The following CACNB2 variants were observed in gnomAD, a reference collection of about 807,000 sequenced individuals.
The protein encoded by CACNB2 is voltage-dependent L-type calcium channel subunit beta-2.
CACNB2 carries 42 observed loss-of-function variants against 73.3 expected under a neutral mutation model. That is an observed-to-expected ratio of 0.57 (90% confidence interval 0.45 to 0.74). The LOEUF is 0.74. Ranked by LOEUF, CACNB2 falls within the 30% of genes least tolerant of loss-of-function variation. The pLI is 0.00. For missense variants in CACNB2, 940 were observed against 853.0 expected, an observed-to-expected ratio of 1.10 and a Z score of -1.27; for synonymous variants, 348 against 310.3, an observed-to-expected ratio of 1.12 and a Z score of -1.28.
At chr10:18,154,719 C>T (rs1426478157) in intron 2 of CACNB2, among the ~76,000 whole-genome samples, 6 of 152,122 alleles carry the variant, frequency 3.9e-5, no homozygotes, top group South Asian at 2.1e-4. Context: ...CCACCCGCCT[C>T]GGCCTCCCAA....
intron 9 of CACNB2, among the ~76,000 whole-genome samples, chr10:18,522,037 GC>G (rs1230768561): frequency 1.3e-5 from 2 of 152,142 alleles, no homozygotes; most frequent in African/African-American, 4.8e-5. Flanking sequence ...CCTGAGCTCA[GC>G]CTCTTGTCAG....
At chr10:18,346,964 A>C (rs2041484945) in intron 2 of CACNB2, among the ~76,000 whole-genome samples, 1 of 152,162 alleles carries the variant, frequency 6.6e-6, no homozygotes. Flanking sequence ...TAAGATCCTT[A>C]ATTGTGCTGC....
intron 2 of CACNB2, among the ~76,000 whole-genome samples, chr10:18,285,579 G>A (rs1217217786): frequency 6.6e-6 from 1 of 152,204 alleles, no homozygotes; most frequent in Non-Finnish European, 1.5e-5. Context: ...AATGAAAACT[G>A]CCTAACTGAG....
At chr10:18,463,682 C>T (rs1248193655) in intron 3 of CACNB2, among the ~76,000 whole-genome samples, 1 of 151,948 alleles carries the variant, frequency 6.6e-6, no homozygotes, top group Non-Finnish European at 1.5e-5. Context: ...AGTCTGCCCA[C>T]CCTGGCCTCC....
chr10:18,444,527 A>G (rs1357043515), intron 3 of CACNB2, among the ~76,000 whole-genome samples: 1 of 152,250 alleles, frequency 6.6e-6, no homozygotes, highest in Non-Finnish European at 1.5e-5. Context: ...AGAAACTCTC[A>G]GTATCCAAGT....
At chr10:18,453,660 C>T (rs1390547795) in intron 3 of CACNB2, among the ~76,000 whole-genome samples, 6 of 152,194 alleles carry the variant, frequency 3.9e-5, no homozygotes, top group African/African-American at 2.4e-5. Flanking sequence ...GACGGAGTCT[C>T]GCTCTGTTGC....
rs866537084 is a variant in CACNB2, at chr10:18,315,524, A to C, written c.214-86400A>C. Among the ~76,000 whole-genome samples, 384 of 133,390 alleles carry C rather than the reference A, an allele frequency of 2.9e-3. 8 individuals are homozygous for C. The highest frequency in any genetic ancestry group is 0.01 in the African/African-American group (363 of 35,686). 87.5% of individuals were successfully genotyped at this position (133,390 alleles called of 152,430 possible). A position where few individuals can be genotyped will look rare whatever the true frequency, so the allele number is the denominator to read the frequency against. On this transcript the variant is annotated intron_variant, in intron 2 of 13. Transcript: ENST00000324631. ...TAAAAAAAAAAAAAAAAAAAAAAAAAAAAACTTTTTTTTTTTTTAATTAGC... is the reference window on the plus strand; with the variant it reads ...TAAAAAAAAAAAAAAAAAAAAAAAACAAAACTTTTTTTTTTTTTAATTAGC...
intron 2 of CACNB2, among the ~76,000 whole-genome samples, chr10:18,356,983 C>T (rs555996000): frequency 1.8e-5 from 2 of 112,952 alleles, no homozygotes; most frequent in Non-Finnish European, 3.7e-5. Context: ...TTCGCTCTGT[C>T]GCCCAGGCTG....
chr10:18,489,597 A>C (rs937112007), intron 3 of CACNB2, among the ~76,000 whole-genome samples: 1 of 152,064 alleles, frequency 6.6e-6, no homozygotes, highest in African/African-American at 2.4e-5. Flanking sequence ...TTTGAGCCTC[A>C]GTTTCTTCAC....
At chr10:18,161,012 T>C (rs971002246) in intron 2 of CACNB2, among the ~76,000 whole-genome samples, 1 of 152,154 alleles carries the variant, frequency 6.6e-6, no homozygotes, top group Non-Finnish European at 1.5e-5. Flanking sequence ...GAAAAAGGAA[T>C]GGTGTCTCCC....
At chr10:18,437,456 T>A (rs894784040) in intron 3 of CACNB2, among the ~76,000 whole-genome samples, 3 of 152,194 alleles carry the variant, frequency 2.0e-5, no homozygotes, top group African/African-American at 7.2e-5. Context: ...AAAGGTTGGT[T>A]AACACATATT....
chr10:18,400,645 T>C (rs2043946527), intron 2 of CACNB2: 3 of 1,024,486 alleles, frequency 2.9e-6, no homozygotes, highest in Non-Finnish European at 3.5e-6. Context: ...CACTAGTTTT[T>C]TTTTTTTTTT....
intron 2 of CACNB2, among the ~76,000 whole-genome samples, chr10:18,175,164 C>G (rs2033505598): frequency 6.6e-6 from 1 of 152,018 alleles, no homozygotes; most frequent in Non-Finnish European, 1.5e-5. Flanking sequence ...ATGTTAGAAA[C>G]AATATAATTA....
At chr10:18,150,853 G>GTGTTTTTTTTTTTTTTTTTT in intron 1 of CACNB2, 30 bp from the exon 2 acceptor site, 1 of 655,042 alleles carries the variant, frequency 1.5e-6, no homozygotes, top group Non-Finnish European at 2.1e-6. Context: ...AATCTTATTT[G>GTGTTTTTTTTTTTTTTTTTT]TCTTTTTTTT....
intron 2 of CACNB2, among the ~76,000 whole-genome samples, chr10:18,304,063 C>T (rs2039633606): frequency 6.6e-6 from 1 of 152,202 alleles, no homozygotes; most frequent in African/African-American, 2.4e-5. Flanking sequence ...TCCATCGATC[C>T]TCCTACCTCA....
intron 2 of CACNB2, among the ~76,000 whole-genome samples, chr10:18,249,317 C>A (rs1404806839): frequency 1.3e-5 from 2 of 152,170 alleles, no homozygotes; most frequent in African/African-American, 4.8e-5. Flanking sequence ...GACTTTGCTC[C>A]TACAATTATC....
chr10:18,392,008 C>T (rs1444186272), intron 2 of CACNB2, among the ~76,000 whole-genome samples: 1 of 151,422 alleles, frequency 6.6e-6, no homozygotes, highest in Non-Finnish European at 1.5e-5. Flanking sequence ...AATACCGCTG[C>T]AATCAATGGG....
chr10:18,455,114 A>G (rs1824574937), intron 3 of CACNB2, among the ~76,000 whole-genome samples: 1 of 152,134 alleles, frequency 6.6e-6, no homozygotes, highest in African/African-American at 2.4e-5. Context: ...GAGAGTTCAC[A>G]TAATAATATC....
chr10:18,213,161 C>T (rs546182003), intron 2 of CACNB2, among the ~76,000 whole-genome samples: 1 of 152,260 alleles, frequency 6.6e-6, no homozygotes, highest in South Asian at 2.1e-4. Context: ...ACAGCCTGAC[C>T]ACTGATACAG....
Sources: gnomAD v4.1 joint callset for allele counts (sites outside exome capture counted in the v4.1 genomes callset) on GRCh38, gnomAD v4.1.1 for gene constraint, MANE v1.5 for transcripts, NCBI Gene and HGNC (gene_info 2026-07-23, HGNC 2026-07-21) for gene names.